The following AFF1 variants were observed in gnomAD, a reference collection of about 807,000 sequenced individuals.
AFF1 encodes AF4/FMR2 family member 1.
A neutral mutation model predicts 121.7 loss-of-function variants in AFF1; 48 were observed. That is an observed-to-expected ratio of 0.39 (90% CI 0.31 to 0.50). The LOEUF (loss-of-function observed/expected upper bound fraction) is 0.50. Ranked by LOEUF, AFF1 falls within the 20% of genes least tolerant of loss-of-function variation. The probability of loss-of-function intolerance (pLI) is 0.76; values close to 1 mark genes in which losing one functional copy is unlikely to be tolerated. For missense variants in AFF1, 1,523 were observed against 1,511.7 expected (o/e 1.01, Z -0.12); for synonymous variants, 613 against 563.0 (o/e 1.09, Z -1.26).
Position 87,108,288 on chromosome 4 carries a change from T to C in AFF1, c.1506T>C (p.Asn502=), listed in dbSNP as rs763083293. Residue 502 remains asparagine, a synonymous_variant, in exon 11 of 21, where the codon AAT becomes AAC. Transcript: ENST00000395146. ...GCAGTTCAAGTGACAGCGAAGAAAA[T>C]GAGCCCCTAGAAACCCCAGCTCCGG... ...SESSSSDSEE[N]EPLETPAPEP... is the part of the protein sequence containing the mutation. 6.2e-7 allele frequency: 1 copy of C among 1,613,652 alleles called. No homozygotes were observed. The highest frequency in any genetic ancestry group is 1.7e-5 in the Admixed American group (1 of 59,980).
chr4:86,962,900 T>C (rs1209126854), intron 2 of AFF1, among the ~76,000 whole-genome samples: 5 of 152,110 alleles, frequency 3.3e-5, no homozygotes, highest in Non-Finnish European at 7.4e-5. Context: ...CACGGTGGCT[T>C]ATGCCTGTAA....
chr4:87,070,501 T>A (rs955040419), intron 4 of AFF1, among the ~76,000 whole-genome samples: 1 of 152,274 alleles, frequency 6.6e-6, no homozygotes, highest in Non-Finnish European at 1.5e-5. Flanking sequence ...TTATGGCTTT[T>A]AAAAATCTTC....
chr4:87,069,628 C>T (rs1458518321), intron 4 of AFF1, among the ~76,000 whole-genome samples: 1 of 151,120 alleles, frequency 6.6e-6, no homozygotes, highest in Non-Finnish European at 1.5e-5. Context: ...CCCCCACTTC[C>T]TCCCTTCCTT....
intron 2 of AFF1, among the ~76,000 whole-genome samples, chr4:86,971,782 G>T (rs1722964919): frequency 1.3e-5 from 2 of 152,198 alleles, no homozygotes; most frequent in Non-Finnish European, 2.9e-5. Flanking sequence ...GATGAATTAT[G>T]AGTGGACAGT....
chr4:86,992,811 A>G (rs776352713), intron 2 of AFF1, among the ~76,000 whole-genome samples: 2 of 152,230 alleles, frequency 1.3e-5, no homozygotes, highest in Admixed American at 6.5e-5. Context: ...AATCAGCTCA[A>G]TAACATATAA....
At chr4:86,947,104 AGC>A (rs1171144392) in intron 1 of AFF1, among the ~76,000 whole-genome samples, 1 of 152,136 alleles carries the variant, frequency 6.6e-6, no homozygotes, top group African/African-American at 2.4e-5. Context: ...GGAGAAAGTG[AGC>A]GATAGTAAGT....
intron 2 of AFF1, among the ~76,000 whole-genome samples, chr4:87,033,528 G>A (rs1262631828): frequency 6.6e-6 from 1 of 152,168 alleles, no homozygotes. Context: ...GTATGTTTGG[G>A]ATTTTCTGGT....
chr4:87,129,454 C>A (rs1393705225), intron 16 of AFF1, among the ~76,000 whole-genome samples: 1 of 152,192 alleles, frequency 6.6e-6, no homozygotes, highest in East Asian at 1.9e-4. Context: ...TGACAAATTG[C>A]TACACAGTAT....
At position 86,978,177 on chromosome 4, in the gene AFF1, CTTTT is replaced by C. The variant is rs10676975; in HGVS notation, c.38+29627_38+29630del. ...CTTCTCTTACTTCTCATTACATTCACTTTTTTTTTTTTTTTTTTTTTTTTGAGAT... is the reference window on the plus strand; with the variant it reads ...CTTCTCTTACTTCTCATTACATTCACTTTTTTTTTTTTTTTTTTTTGAGAT... On this transcript the variant is annotated intron_variant, in intron 2 of 20. Transcript: ENST00000395146. Among the ~76,000 whole-genome samples, 61 of 39,334 alleles carry C rather than the reference CTTTT, an allele frequency of 1.6e-3. 1 individual carries two copies. Among genetic ancestry groups the C allele is most frequent in the East Asian group, 0.011 (11 of 1,014 alleles). The allele number at this position is 39,334 out of a possible 152,430, so 25.8% of individuals were successfully genotyped here.
intron 2 of AFF1, among the ~76,000 whole-genome samples, chr4:86,971,095 G>T (rs1200842380): frequency 2.6e-5 from 4 of 152,148 alleles, no homozygotes; most frequent in Non-Finnish European, 4.4e-5. Flanking sequence ...GTGAGCATGG[G>T]AAAAGCACAT....
chr4:86,999,023 C>A (rs1725482041), intron 2 of AFF1, among the ~76,000 whole-genome samples: 1 of 152,202 alleles, frequency 6.6e-6, no homozygotes, highest in Non-Finnish European at 1.5e-5. Flanking sequence ...TGAATTCTGG[C>A]CTGGTCTGGC....
chr4:86,985,339 T>C (rs1724160490), intron 2 of AFF1, among the ~76,000 whole-genome samples: 1 of 150,696 alleles, frequency 6.6e-6, no homozygotes, highest in Non-Finnish European at 1.5e-5. Context: ...GGCAAAACCC[T>C]GTCTCTACTA....
intron 2 of AFF1, among the ~76,000 whole-genome samples, chr4:86,993,354 G>GT (rs980427878): frequency 1.3e-5 from 2 of 152,120 alleles, no homozygotes; most frequent in East Asian, 1.9e-4. Context: ...TATATATGTA[G>GT]TTTTTTTCTC....
At chr4:87,030,743 T>A (rs1728992797) in intron 2 of AFF1, among the ~76,000 whole-genome samples, 1 of 151,666 alleles carries the variant, frequency 6.6e-6, no homozygotes, top group African/African-American at 2.4e-5. Context: ...CAGTGTAAAA[T>A]CATTTGAATT....
intron 2 of AFF1, among the ~76,000 whole-genome samples, chr4:87,003,811 C>T (rs1725897594): frequency 6.6e-6 from 1 of 152,102 alleles, no homozygotes; most frequent in South Asian, 2.1e-4. Context: ...AGACTTTTGC[C>T]TGGTTTCCTT....
chr4:87,012,698 A>G (rs887836164), intron 2 of AFF1, among the ~76,000 whole-genome samples: 8 of 152,192 alleles, frequency 5.3e-5, no homozygotes, highest in African/African-American at 1.9e-4. Flanking sequence ...CTCAAGTACA[A>G]ATGTATCAGA....
At chr4:87,055,428 C>T (rs570326228) in intron 4 of AFF1, among the ~76,000 whole-genome samples, 1 of 152,216 alleles carries the variant, frequency 6.6e-6, no homozygotes, top group Non-Finnish European at 1.5e-5. Context: ...TCGGAAATGC[C>T]AGAAGTACAT....
chr4:87,090,218 A>C (rs968265088), intron 6 of AFF1, 148 bp downstream of exon 6: 1 of 581,552 alleles, frequency 1.7e-6, no homozygotes, highest in East Asian at 2.8e-5. Flanking sequence ...ACAGTGCTTC[A>C]GAATGCTTTC....
At chr4:87,033,718 T>A (rs1185648176) in intron 2 of AFF1, among the ~76,000 whole-genome samples, 1 of 152,202 alleles carries the variant, frequency 6.6e-6, no homozygotes, top group African/African-American at 2.4e-5. Context: ...TTGGGAATAA[T>A]TTGTTTTTCT....
Sources: gnomAD v4.1 joint callset for allele counts (sites outside exome capture counted in the v4.1 genomes callset) on GRCh38, gnomAD v4.1.1 for gene constraint, MANE v1.5 for transcripts, NCBI Gene and HGNC (gene_info 2026-07-23, HGNC 2026-07-21) for gene names.